The following RUSC2 variants were observed in gnomAD, a reference collection of about 807,000 sequenced individuals.
The protein encoded by RUSC2 is AP-4 complex accessory subunit RUSC2.
Under a neutral mutation model 122.2 loss-of-function variants are expected in RUSC2, and 34 were observed. The ratio of observed to expected loss-of-function variants is 0.28; its 90% confidence interval spans 0.21 to 0.37. The LOEUF is 0.37. RUSC2 is among the 10% of genes least tolerant of loss of function. RUSC2 has a pLI of 1.00. For missense variants in RUSC2, 1,747 were observed against 1,952.4 expected (o/e 0.89, Z 1.98); for synonymous variants, 784 against 790.0 (o/e 0.99, Z 0.13).
chr9:35,559,227 A>G lies in RUSC2; in HGVS notation c.3343A>G (p.Ile1115Val). The G allele has an allele frequency of 2.5e-6, 4 of 1,613,064 alleles. No homozygotes were observed. Among genetic ancestry groups the G allele is most frequent in the Non-Finnish European group, 3.4e-6 (4 of 1,178,998 alleles). ...FNAFILGLLN[I>V]RSLEFWFNHL... ...CTCTCTTCACCTGTCTCCCTACAGC[A>G]TCCGGTCCCTGGAGTTCTGGTTTAA... The change falls in exon 9 of 12, where the codon ATC becomes GTC. Residue 1115 changes from isoleucine to valine, a missense_variant and splice_region_variant. Physicochemically the swap from Ile to Val is conservative, Grantham distance 29 (BLOSUM62 3). Transcript: ENST00000361226.
intron 1 of RUSC2, among the ~76,000 whole-genome samples, chr9:35,523,105 C>A (rs186512429): frequency 6.6e-6 from 1 of 152,318 alleles, no homozygotes; most frequent in East Asian, 1.9e-4. Context: ...GTGGGAAATG[C>A]AAAACTTTTC....
chr9:35,494,258 G>C (rs1386501441), intron 1 of RUSC2, among the ~76,000 whole-genome samples: 1 of 151,946 alleles, frequency 6.6e-6, no homozygotes, highest in Non-Finnish European at 1.5e-5. Flanking sequence ...CTAAGGTCAG[G>C]AGTTCAAGAC....
At chr9:35,505,393 T>A (rs1264451106) in intron 1 of RUSC2, among the ~76,000 whole-genome samples, 1 of 152,182 alleles carries the variant, frequency 6.6e-6, no homozygotes, top group African/African-American at 2.4e-5. Flanking sequence ...CCACCACATA[T>A]TTCTACTCCT....
At position 35,558,690 on chromosome 9, in the gene RUSC2, C is replaced by T. The variant is rs1373356350; in HGVS notation, c.3341+123C>T. On this transcript the variant is annotated intron_variant, in intron 8 of 11. Coordinates refer to ENST00000361226, the MANE Select transcript of RUSC2 (RefSeq NM_014806.5). The surrounding 1 kb of genome is among the most constrained non-coding windows in gnomAD (Gnocchi z 4.3). The stretch of plus-strand genomic sequence containing the variant: ...AAAGGGTGGATCTGGAGGGTCCCCT[C>T]AGCCCGCTATGGCCTCTCAGTAGGT... The T allele has an allele frequency of 3.7e-5, 30 of 800,982 alleles. No homozygotes were observed. In the Admixed American group the frequency reaches 6.0e-4, roughly 16 times the overall value. The allele number at this position is 800,982 out of a possible 1,614,324, so 49.6% of individuals were successfully genotyped here.
rs374232424 is a variant in RUSC2, at chr9:35,499,854, G to A, written c.-93+9682G>A. 3.3e-4 allele frequency among the ~76,000 whole-genome samples: 51 copies of A among 152,278 alleles called. No individual in the cohort carries two copies. In the South Asian group the frequency reaches 9.1e-3, roughly 27 times the overall value. ...TAGATAGGATTTAGATGAACCCAAGGTAAAAAGCAAAAACTGCAGGGGAGA... is the reference window on the plus strand; with the variant it reads ...TAGATAGGATTTAGATGAACCCAAGATAAAAAGCAAAAACTGCAGGGGAGA... On this transcript the variant is annotated intron_variant, in intron 1 of 11. Coordinates refer to ENST00000361226, the MANE Select transcript of RUSC2 (RefSeq NM_014806.5).
chr9:35,538,175 C>A (rs1821568120), intron 1 of RUSC2, among the ~76,000 whole-genome samples: 1 of 152,140 alleles, frequency 6.6e-6, no homozygotes, highest in African/African-American at 2.4e-5. Context: ...TGACCGAGAA[C>A]TGATGTATGT....
chr9:35,545,656 C>T (rs959901067), intron 1 of RUSC2, among the ~76,000 whole-genome samples: 1 of 152,128 alleles, frequency 6.6e-6, no homozygotes, highest in African/African-American at 2.4e-5. Flanking sequence ...ATGCCTTTCA[C>T]GTTTATCTTG....
In RUSC2 at chr9:35,554,965, T is replaced by C. The variant is rs1587867548; in HGVS notation, c.2015-95T>C. The stretch of plus-strand genomic sequence containing the variant: ...ATTCAATTCCTGCCAGCCAGGTCCC[T>C]GCCCCTCTCCCCTCTCCCATCTCTG... On this transcript the variant is annotated intron_variant, in intron 2 of 11. Coordinates refer to ENST00000361226, the MANE Select transcript of RUSC2 (RefSeq NM_014806.5). 5 of 1,450,640 alleles carry C rather than the reference T, an allele frequency of 3.4e-6. No individual in the cohort carries two copies. The Admixed American group carries it at 7.3e-5, about 21-fold the overall frequency. The allele number at this position is 1,450,640 out of a possible 1,614,324, so 89.9% of individuals were successfully genotyped here.
chr9:35,501,758 C>T (rs767930638), intron 1 of RUSC2, among the ~76,000 whole-genome samples: 16 of 152,162 alleles, frequency 1.1e-4, no homozygotes, highest in Admixed American at 2.0e-4. Context: ...ATACAGTCTC[C>T]AAATTCCTAT....
At chr9:35,513,903 CATATATATATATATATAT>C (rs3068511) in intron 1 of RUSC2, among the ~76,000 whole-genome samples, 49 of 104,234 alleles carry the variant, frequency 4.7e-4, no homozygotes, top group African/African-American at 1.3e-3. Flanking sequence ...CTTCAACAAA[CATATATATATATATATAT>C]ATATATATAT....
At chr9:35,516,381 A>T (rs1564249312) in intron 1 of RUSC2, among the ~76,000 whole-genome samples, 1 of 152,034 alleles carries the variant, frequency 6.6e-6, no homozygotes, top group Non-Finnish European at 1.5e-5. Context: ...CATACCACAT[A>T]TAGAATGGGG....
rs139908185 is a variant in RUSC2 at position 35,546,271 on chromosome 9, G to A, written c.-92-159G>A. 2.0e-4 allele frequency among the ~76,000 whole-genome samples: 30 copies of A among 152,278 alleles called. No homozygotes were observed. The highest frequency in any genetic ancestry group is 7.0e-4 in the African/African-American group (29 of 41,536). On this transcript the variant is annotated intron_variant, in intron 1 of 11. Transcript: ENST00000361226. This position sits in a 1 kb window ranked among gnomAD's most constrained non-coding sequence, Gnocchi z 4.3. ...TGTGCAATGCAGAAAGCATGGTTAC[G>A]TCCCCACCTGCCTATTGGGCTGTGT...
At chr9:35,549,657 G>A (rs1301252218) in intron 2 of RUSC2, among the ~76,000 whole-genome samples, 4 of 152,294 alleles carry the variant, frequency 2.6e-5, no homozygotes, top group East Asian at 1.9e-4. Flanking sequence ...GTGACGACTT[G>A]TAAGAAGAAT....
In RUSC2 at chr9:35,547,299, G is replaced by A. The variant is rs779153504; in HGVS notation, c.778G>A (p.Glu260Lys). ...CTGCAGTAGCACATCCAGTCAGTCC[G>A]AGGCAGCTGACCAGTCCATGGGCTA... ...CRCSSTSSQS[E>K]AADQSMGYVS... The change falls in exon 2 of 12, where the codon GAG (glutamate) becomes AAG (lysine). Residue 260 changes from glutamate to lysine, a missense_variant. Coordinates refer to ENST00000361226, the MANE Select transcript of RUSC2 (RefSeq NM_014806.5). The surrounding 1 kb of genome is among the most constrained non-coding windows in gnomAD (Gnocchi z 4.6). The A allele has an allele frequency of 6.2e-6, 10 of 1,614,180 alleles. No individual in the cohort carries two copies. The highest frequency in any genetic ancestry group is 4.5e-5 in the East Asian group (2 of 44,880).
rs143192460 is a variant in RUSC2 at position 35,537,822 on chromosome 9, G to A, written c.-92-8608G>A. Among the ~76,000 whole-genome samples the A allele has an allele frequency of 3.4e-3, 518 of 152,328 alleles. 2 individuals carry two copies. Among genetic ancestry groups the A allele is most frequent in the Middle Eastern group, 6.8e-3 (2 of 294 alleles). On this transcript the variant is annotated intron_variant, in intron 1 of 11. Transcript: ENST00000361226. ...GGCAGGGCTAGTGTTTGGGGACCAA[G>A]CCCTGCTTAAGACTATCTCTGTGTT...
Position 35,547,562 on chromosome 9 carries a change from G to T in RUSC2, c.1041G>T (p.Gly347=). Reference sequence around the variant, plus strand: ...ACCCTGAAAGTGGAGGAAGGGAAGGGGGCTATGGTTGCCCTCATGCCTCTT... The same window carrying T: ...ACCCTGAAAGTGGAGGAAGGGAAGGTGGCTATGGTTGCCCTCATGCCTCTT... The part of the protein sequence containing the change: ...SHHPESGGRE[G]GYGCPHASSP... Residue 347 remains glycine, a synonymous_variant, in exon 2 of 12, where the codon GGG becomes GGT. Transcript: ENST00000361226. This position sits in a 1 kb window ranked among gnomAD's most constrained non-coding sequence, Gnocchi z 4.6. 6.2e-7 allele frequency: 1 copy of T among 1,614,160 alleles called. No individual in the cohort carries two copies. The highest frequency in any genetic ancestry group is 8.5e-7 in the Non-Finnish European group (1 of 1,180,022).
chr9:35,518,620 G>C (rs927667858), intron 1 of RUSC2, among the ~76,000 whole-genome samples: 1 of 152,156 alleles, frequency 6.6e-6, no homozygotes, highest in Non-Finnish European at 1.5e-5. Flanking sequence ...GCTTTCAGGA[G>C]ATTATCTAGG....
At chr9:35,556,925 G>A (rs937519691) in intron 5 of RUSC2, among the ~76,000 whole-genome samples, 1 of 152,192 alleles carries the variant, frequency 6.6e-6, no homozygotes, top group African/African-American at 2.4e-5. Flanking sequence ...TGTATCATGA[G>A]TGCATGTGAG....
chr9:35,515,956 G>A (rs10972500), intron 1 of RUSC2, among the ~76,000 whole-genome samples: 23,418 of 127,286 alleles, frequency 0.18, 2,098 homozygotes, highest in Middle Eastern at 0.33. Flanking sequence ...CCGAGATTGC[G>A]CCACCACATT....
Sources: gnomAD v4.1 joint callset for allele counts (sites outside exome capture counted in the v4.1 genomes callset) on GRCh38, gnomAD v4.1.1 for gene constraint, Gnocchi (gnomAD v3.1) non-coding constraint, MANE v1.5 for transcripts, NCBI Gene and HGNC (gene_info 2026-07-23, HGNC 2026-07-21) for gene names.